The following TMEM132B variants were observed in gnomAD, a reference collection of about 807,000 sequenced individuals.
TMEM132B encodes transmembrane protein 132B.
TMEM132B carries 18 observed loss-of-function variants against 90.8 expected under a neutral mutation model. That is an observed-to-expected ratio of 0.20 (90% CI 0.14 to 0.29). TMEM132B has a LOEUF of 0.29. TMEM132B is among the 10% of genes least tolerant of loss of function. TMEM132B has a pLI of 1.00. For missense variants in TMEM132B, 1,096 were observed against 1,326.8 expected (o/e 0.83, Z 2.70); for synonymous variants, 504 against 523.3 (o/e 0.96, Z 0.50).
chr12:125,618,336 GTC>G (rs938234846), intron 5 of TMEM132B, among the ~76,000 whole-genome samples: 3 of 152,288 alleles, frequency 2.0e-5, no homozygotes, highest in African/African-American at 7.2e-5. Flanking sequence ...GGGAGCCTGT[GTC>G]TCTCTTAGTC....
chr12:125,321,701 C>T (rs974773411), intron 1 of TMEM132B, among the ~76,000 whole-genome samples: 22 of 152,096 alleles, frequency 1.4e-4, no homozygotes, highest in African/African-American at 5.3e-4. Flanking sequence ...TAGTCTGAAA[C>T]TCCTGACCTC....
At chr12:125,388,385 C>A (rs189973406) in intron 2 of TMEM132B, among the ~76,000 whole-genome samples, 13 of 152,198 alleles carry the variant, frequency 8.5e-5, no homozygotes, top group African/African-American at 2.9e-4. Flanking sequence ...GCCAAGATCC[C>A]ACCATTGCAC....
intron 5 of TMEM132B, among the ~76,000 whole-genome samples, chr12:125,594,668 A>G (rs1182579255): frequency 6.6e-6 from 1 of 152,204 alleles, no homozygotes; most frequent in Non-Finnish European, 1.5e-5. Flanking sequence ...CCATTTTGCC[A>G]TCTACTGATT....
chr12:125,597,613 C>T (rs1381434834), intron 5 of TMEM132B, among the ~76,000 whole-genome samples: 1 of 152,112 alleles, frequency 6.6e-6, no homozygotes, highest in Non-Finnish European at 1.5e-5. Context: ...GTGATTTTTT[C>T]ATTTTTAAAG....
At chr12:125,502,069 G>C (rs1882714245) in intron 3 of TMEM132B, among the ~76,000 whole-genome samples, 1 of 152,222 alleles carries the variant, frequency 6.6e-6, no homozygotes. Flanking sequence ...TGTAGGACCT[G>C]TGTGGTTGAG....
At chr12:125,190,414 T>G (rs1222081208) in intron 1 of TMEM132B, among the ~76,000 whole-genome samples, 17 of 72,268 alleles carry the variant, frequency 2.4e-4, no homozygotes, top group African/African-American at 5.2e-4. Context: ...AAAGGGGTGG[T>G]GATGGGAAGA....
rs199534886 is a variant in TMEM132B, at chr12:125,485,893, A to G, written c.1107-33546A>G. 7.2e-5 allele frequency among the ~76,000 whole-genome samples: 11 copies of G among 152,298 alleles called. No homozygotes were observed. The East Asian group carries it at 1.5e-3, about 21-fold the overall frequency. On this transcript the variant is annotated intron_variant, in intron 3 of 8. Transcript: ENST00000682704. ...GAAGAACCAATTAGAGTCCACCTCGATGTCTTTTTCTTTTTATTCCTATTA... is the reference window on the plus strand; with the variant it reads ...GAAGAACCAATTAGAGTCCACCTCGGTGTCTTTTTCTTTTTATTCCTATTA...
chr12:125,562,683 T>A (rs1884562754), intron 4 of TMEM132B, among the ~76,000 whole-genome samples: 1 of 151,806 alleles, frequency 6.6e-6, no homozygotes, highest in Admixed American at 6.6e-5. Flanking sequence ...TGGGAGGTAA[T>A]TGAATCACTA....
intron 3 of TMEM132B, among the ~76,000 whole-genome samples, chr12:125,475,123 A>G (rs1202694195): frequency 6.6e-6 from 1 of 152,156 alleles, no homozygotes; most frequent in African/African-American, 2.4e-5. Flanking sequence ...TACCCGGGTG[A>G]CATGTTTAGA....
chr12:125,363,613 G>A (rs1220713376), intron 2 of TMEM132B, among the ~76,000 whole-genome samples: 3 of 152,216 alleles, frequency 2.0e-5, no homozygotes, highest in Non-Finnish European at 4.4e-5. Flanking sequence ...AATATTGAGT[G>A]TGTGTGTGGC....
At chr12:125,494,615 C>T (rs2136573320) in intron 3 of TMEM132B, among the ~76,000 whole-genome samples, 1 of 133,874 alleles carries the variant, frequency 7.5e-6, no homozygotes. Flanking sequence ...TGGCCGCGTC[C>T]CTCCTCCCCC....
chr12:125,638,134 T>C (rs2137012798), intron 5 of TMEM132B, among the ~76,000 whole-genome samples: 1 of 152,330 alleles, frequency 6.6e-6, no homozygotes, highest in South Asian at 2.1e-4. Context: ...AACACAGTGC[T>C]GAGGAGGCCT....
chr12:125,474,725 G>A (rs559436829), intron 3 of TMEM132B, among the ~76,000 whole-genome samples: 9 of 152,206 alleles, frequency 5.9e-5, no homozygotes, highest in Middle Eastern at 3.2e-3. Context: ...ACTGACAAGC[G>A]CAGGATGGGC....
At chr12:125,556,847 C>T (rs1425982989) in intron 4 of TMEM132B, among the ~76,000 whole-genome samples, 4 of 152,108 alleles carry the variant, frequency 2.6e-5, no homozygotes, top group South Asian at 4.1e-4. Flanking sequence ...CTCTGCCTCC[C>T]GGGTTCACGC....
In TMEM132B at chr12:125,304,883, C is replaced by T. The variant is rs925115757; in HGVS notation, c.68-44569C>T. 5.9e-5 allele frequency among the ~76,000 whole-genome samples: 9 copies of T among 152,222 alleles called. No homozygotes were observed. The South Asian group carries it at 6.2e-4, about 11-fold the overall frequency. On this transcript the variant is annotated intron_variant, in intron 1 of 8. Coordinates refer to ENST00000682704, the MANE Select transcript of TMEM132B (RefSeq NM_001366854.1). ...TTCTTCTTTGCTGCTGCTTCACATTCGTAGTGCAGGTATTGACACATTCTT... is the reference window on the plus strand; with the variant it reads ...TTCTTCTTTGCTGCTGCTTCACATTTGTAGTGCAGGTATTGACACATTCTT...
chr12:125,654,346 C>A lies in TMEM132B; in HGVS notation c.2888C>A (p.Pro963His). 6.2e-7 allele frequency: 1 copy of A among 1,612,886 alleles called. No homozygotes were observed. The highest frequency in any genetic ancestry group is 8.5e-7 in the Non-Finnish European group (1 of 1,180,040). Residue 963 changes from proline to histidine, a missense_variant, in exon 9 of 9, where the codon CCT becomes CAT. Pro to His is a moderately conservative substitution (Grantham distance 77). Coordinates refer to ENST00000682704, the MANE Select transcript of TMEM132B (RefSeq NM_001366854.1). This position sits in a 1 kb window ranked among gnomAD's most constrained non-coding sequence, Gnocchi z 5.8. Reference protein sequence around the residue: ...LGNEVELLENPVDITLPSEEC... With the variant: ...LGNEVELLENHVDITLPSEEC... ...AATGAAGTGGAACTTTTGGAGAACCCTGTTGACATTACACTCCCATCAGAG... is the reference window on the plus strand; with the variant it reads ...AATGAAGTGGAACTTTTGGAGAACCATGTTGACATTACACTCCCATCAGAG...
intron 1 of TMEM132B, among the ~76,000 whole-genome samples, chr12:125,236,018 G>A (rs1329838798): frequency 1.3e-5 from 2 of 151,772 alleles, no homozygotes; most frequent in Non-Finnish European, 2.9e-5. Context: ...GGCCAGGCTG[G>A]TCTTGAACTC....
At chr12:125,466,278 G>T (rs1881560825) in intron 3 of TMEM132B, among the ~76,000 whole-genome samples, 1 of 152,194 alleles carries the variant, frequency 6.6e-6, no homozygotes, top group Admixed American at 6.5e-5. Context: ...GATGGAACAA[G>T]GGTGCAGCTG....
chr12:125,601,404 T>G (rs1447280876), intron 5 of TMEM132B, among the ~76,000 whole-genome samples: 4 of 152,226 alleles, frequency 2.6e-5, no homozygotes, highest in African/African-American at 7.2e-5. Context: ...TCAAGAAGTT[T>G]TTTGAAACCA....
Sources: allele counts gnomAD v4.1 joint callset (sites outside exome capture counted in the v4.1 genomes callset), GRCh38; gene constraint gnomAD v4.1.1; non-coding constraint Gnocchi (gnomAD v3.1); transcripts MANE v1.5; gene names NCBI Gene and HGNC (gene_info 2026-07-23, HGNC 2026-07-21).